ZNF727: variants seen among roughly 807,000 people sequenced by gnomAD.
ZNF727 encodes putative zinc finger protein 727.
ZNF727 carries 11 observed loss-of-function variants against 11.5 expected under a neutral mutation model. The observed-to-expected ratio is 0.95, with a 90% CI of 0.60 to 1.58. The LOEUF is 1.58. Among genes scored for constraint, ZNF727 ranks in the 40% most tolerant of loss-of-function variants. The pLI is 0.00. For missense variants in ZNF727, 533 were observed against 581.7 expected (o/e 0.92, Z 0.86); for synonymous variants, 171 against 196.1 (o/e 0.87, Z 1.07).
intron 1 of ZNF727, among the ~76,000 whole-genome samples, chr7:64,059,648 C>T (rs1789740276): frequency 6.6e-6 from 1 of 152,150 alleles, no homozygotes; most frequent in Admixed American, 6.5e-5. Flanking sequence ...ACAAATTGTA[C>T]CCAATGCCAC....
chr7:64,073,464 C>A (rs1226133606), intron 3 of ZNF727, among the ~76,000 whole-genome samples: 1 of 150,308 alleles, frequency 6.7e-6, no homozygotes, highest in Non-Finnish European at 1.5e-5. Flanking sequence ...TTTCTTTGTT[C>A]TATTTTTGAG....
chr7:64,057,627 A>G (rs866781492), intron 1 of ZNF727, among the ~76,000 whole-genome samples: 29 of 152,132 alleles, frequency 1.9e-4, no homozygotes, highest in African/African-American at 6.3e-4. Flanking sequence ...GGGTTGATCT[A>G]TGCAGCAAAC....
rs949801136 is a variant in ZNF727, at chr7:64,081,255, G to C, written c.*2706G>C. 2.0e-5 allele frequency among the ~76,000 whole-genome samples: 3 copies of C among 152,070 alleles called. No individual in the cohort carries two copies. Among genetic ancestry groups the C allele is most frequent in the Non-Finnish European group, 4.4e-5 (3 of 68,012 alleles). ...GATACTGGCCAGTAAAGGTTTTGAT[G>C]CCTTCTCTGTGCCCCCCAAGAAGGA... is the stretch of plus-strand genomic sequence containing the variant. On this transcript the variant is annotated 3_prime_UTR_variant, in exon 4 of 4. Coordinates refer to ENST00000456806, the MANE Select transcript of ZNF727 (RefSeq NM_001159522.3).
chr7:64,073,146 T>C (rs1241228009), intron 3 of ZNF727, among the ~76,000 whole-genome samples: 1 of 152,098 alleles, frequency 6.6e-6, no homozygotes, highest in Non-Finnish European at 1.5e-5. Flanking sequence ...TTTCATCACC[T>C]TGAAATTTGG....
rs189928064 is a variant in ZNF727 at position 64,045,493 on chromosome 7, C to T, written c.-129C>T. 277 of 1,272,066 alleles carry T rather than the reference C, an allele frequency of 2.2e-4. 1 individual carries two copies. In the African/African-American group the frequency reaches 3.9e-3, roughly 18 times the overall value. 78.8% of individuals were successfully genotyped at this position (1,272,066 alleles called of 1,614,324 possible). On this transcript the variant is annotated 5_prime_UTR_variant, in exon 1 of 4. Transcript: ENST00000456806. ...GCTTCTAGGCTCTGAGTCCAGTACC[C>T]GTCTGTACTATTCCATCTCTTCCGC...
intron 1 of ZNF727, among the ~76,000 whole-genome samples, chr7:64,051,206 A>T (rs1789592894): frequency 6.6e-6 from 1 of 152,190 alleles, no homozygotes; most frequent in Admixed American, 6.5e-5. Context: ...TTGAAGGCAT[A>T]TCTGAACTAG....
chr7:64,054,379 A>G (rs1326547098), intron 1 of ZNF727, among the ~76,000 whole-genome samples: 1 of 152,180 alleles, frequency 6.6e-6, no homozygotes, highest in Non-Finnish European at 1.5e-5. Flanking sequence ...ACAGCTCTTT[A>G]CGATATGCTA....
chr7:64,063,799 G>T lies in ZNF727; in HGVS notation c.4-5092G>T, dbSNP rs534599029. The stretch of plus-strand genomic sequence containing the variant: ...GTCAGAAGCCTTAGGAATCTACTTG[G>T]TGCCCTATTCTGCTGTGGCTTAGCT... On this transcript the variant is annotated intron_variant, in intron 1 of 3. Coordinates refer to ENST00000456806, the MANE Select transcript of ZNF727 (RefSeq NM_001159522.3). Among the ~76,000 whole-genome samples, 33 of 152,116 alleles carry T rather than the reference G, an allele frequency of 2.2e-4. 1 individual carries two copies. The highest frequency in any genetic ancestry group is 8.3e-4 in the South Asian group (4 of 4,814).
chr7:64,048,645 C>G (rs1789546131), intron 1 of ZNF727, among the ~76,000 whole-genome samples: 1 of 152,104 alleles, frequency 6.6e-6, no homozygotes, highest in Non-Finnish European at 1.5e-5. Context: ...TAATACGTAA[C>G]CTAAAGCAAT....
At chr7:64,048,041 A>G (rs1196940318) in intron 1 of ZNF727, among the ~76,000 whole-genome samples, 1 of 152,232 alleles carries the variant, frequency 6.6e-6, no homozygotes, top group African/African-American at 2.4e-5. Flanking sequence ...GAATCTCTCA[A>G]GTGATTGACA....
Position 64,077,653 on chromosome 7 carries a change from T to C in ZNF727, c.604T>C (p.Cys202Arg), listed in dbSNP as rs1785698651. ...TCATACTGCAGATAGAAGTTACAAA[T>C]GTGAAGAATGTGGCAAAGCCTGTAA... ...RIHTADRSYK[C>R]EECGKACKKF... The change falls in exon 4 of 4, where the codon TGT becomes CGT. Residue 202 changes from cysteine (C) to arginine (R), a missense_variant. Cys to Arg is a radical substitution (Grantham distance 180, BLOSUM62 -3). Around this residue, in one of 3 missense-constraint regions of ZNF727, gnomAD observed 463 missense variants for 494.5 expected, o/e 0.94. Coordinates refer to ENST00000456806, the MANE Select transcript of ZNF727 (RefSeq NM_001159522.3). 2 of 1,555,700 alleles carry C rather than the reference T, an allele frequency of 1.3e-6. No homozygotes were observed. The highest frequency in any genetic ancestry group is 1.2e-5 in the South Asian group (1 of 84,406).
At position 64,078,531 on chromosome 7, in the gene ZNF727, C is replaced by T. The variant is rs780541826; in HGVS notation, c.1482C>T (p.Thr494=). ...CAAAGCCTTTAGGTGGTTCTCAGAC[C>T]TTACTAAACATAAGGTAATTCATAC... ...NVAKPLGGSQ[T]LLNIR is the part of the protein sequence containing the mutation. The change falls in exon 4 of 4, where the codon ACC becomes ACT. Residue 494 remains threonine, a synonymous_variant. Transcript: ENST00000456806. The T allele has an allele frequency of 1.3e-6, 2 of 1,558,564 alleles. No individual in the cohort carries two copies. The highest frequency in any genetic ancestry group is 2.3e-5 in the South Asian group (2 of 85,178).
chr7:64,046,951 T>G (rs1789517536), intron 1 of ZNF727, among the ~76,000 whole-genome samples: 1 of 152,100 alleles, frequency 6.6e-6, no homozygotes, highest in Non-Finnish European at 1.5e-5. Flanking sequence ...TATTGGCAGC[T>G]TGTGGTTGGT....
At chr7:64,076,565 G>A (rs1406179180) in intron 3 of ZNF727, among the ~76,000 whole-genome samples, 2 of 152,184 alleles carry the variant, frequency 1.3e-5, no homozygotes, top group African/African-American at 4.8e-5. Context: ...CTGCACTCCA[G>A]TCTGGGCGAC....
rs1475524498 is a variant in ZNF727 at position 64,077,994 on chromosome 7, T to C, written c.945T>C (p.Asn315=). Reference sequence around the variant, plus strand: ...CTGGAGAGAAACCCTACAAATGTAATGAATGTGGAAAAGCTTTTATGTGGA... The same window carrying C: ...CTGGAGAGAAACCCTACAAATGTAACGAATGTGGAAAAGCTTTTATGTGGA... ...IHTGEKPYKC[N]ECGKAFMWIS... Residue 315 remains asparagine (N), a synonymous_variant, in exon 4 of 4, where the codon AAT becomes AAC. Transcript: ENST00000456806. 6.2e-6 allele frequency: 10 copies of C among 1,600,126 alleles called. No individual in the cohort carries two copies. Among genetic ancestry groups the C allele is most frequent in the Non-Finnish European group, 6.8e-6 (8 of 1,173,668 alleles).
intron 1 of ZNF727, among the ~76,000 whole-genome samples, chr7:64,060,578 A>T (rs1333117071): frequency 6.6e-6 from 1 of 152,222 alleles, no homozygotes; most frequent in African/African-American, 2.4e-5. Flanking sequence ...TAATTCCAAC[A>T]CCATGGGAAC....
In ZNF727 at chr7:64,084,328, G is replaced by A. The variant is rs1375053466; in HGVS notation, c.*5779G>A. On this transcript the variant is annotated 3_prime_UTR_variant, in exon 4 of 4. Transcript: ENST00000456806. ...GTGAGTTTCAAAATGCCTTTTTAAT[G>A]ACAATGTATGAACTTAATTTATTTT... Among the ~76,000 whole-genome samples, 1 of 152,140 alleles carries A rather than the reference G, an allele frequency of 6.6e-6. No individual in the cohort carries two copies. The highest frequency in any genetic ancestry group is 1.5e-5 in the Non-Finnish European group (1 of 68,020).
chr7:64,077,637 A>G lies in ZNF727; in HGVS notation c.588A>G (p.Ala196=). Residue 196 remains alanine, a synonymous_variant, in exon 4 of 4, where the codon GCA becomes GCG. Transcript: ENST00000456806. ...DFTIQKRIHT[A]DRSYKCEECG... ...CCATACAGAAGAGAATTCATACTGC[A>G]GATAGAAGTTACAAATGTGAAGAAT... is the stretch of plus-strand genomic sequence containing the variant. The G allele has an allele frequency of 6.4e-7, 1 of 1,553,298 alleles. No individual in the cohort carries two copies. The highest frequency in any genetic ancestry group is 8.7e-7 in the Non-Finnish European group (1 of 1,148,004).
rs893623 is a variant in ZNF727, at chr7:64,081,030, G to C, written c.*2481G>C. On this transcript the variant is annotated 3_prime_UTR_variant, in exon 4 of 4. Transcript: ENST00000456806. Reference sequence around the variant, plus strand: ...TTGTATTGAGCCCCAACTGTGTTCTGTGGCTCCTTGTGATTTGGAGTCTGC... The same window carrying C: ...TTGTATTGAGCCCCAACTGTGTTCTCTGGCTCCTTGTGATTTGGAGTCTGC... Among the ~76,000 whole-genome samples the C allele has an allele frequency of 0.65, 98,445 of 151,604 alleles. 32,356 individuals carry two copies. The highest frequency in any genetic ancestry group is 0.73 in the Admixed American group (11,038 of 15,222).
Sources: allele counts gnomAD v4.1 joint callset (sites outside exome capture counted in the v4.1 genomes callset), GRCh38; gene constraint gnomAD v4.1.1; regional missense constraint gnomAD v4.1.1; transcripts MANE v1.5; gene names NCBI Gene and HGNC (gene_info 2026-07-23, HGNC 2026-07-21).